NCKAP5L: variants seen among roughly 807,000 people sequenced by gnomAD.
NCKAP5L encodes the protein NCK associated protein 5 like.
NCKAP5L carries 54 observed loss-of-function variants against 103.2 expected under a neutral mutation model. That is an observed-to-expected ratio of 0.52 (90% CI 0.42 to 0.66). The LOEUF is 0.66. NCKAP5L is among the 30% of genes least tolerant of loss of function. The pLI, the probability that NCKAP5L is intolerant of heterozygous loss-of-function variation, is 0.00. For synonymous variants in NCKAP5L, 762 were observed against 748.6 expected, an observed-to-expected ratio of 1.02 and a Z score of -0.29; for missense variants, 1,733 against 1,750.6, an observed-to-expected ratio of 0.99 and a Z score of 0.18.
In NCKAP5L at chr12:49,792,584, G is replaced by A. The variant is rs771609649; in HGVS notation, c.3654C>T (p.Pro1218=). The A allele has an allele frequency of 3.1e-6, 5 of 1,613,802 alleles. No individual in the cohort carries two copies. Among genetic ancestry groups the A allele is most frequent in the South Asian group, 2.2e-5 (2 of 91,076 alleles). ...HRGHETCPDD[P]CEDPGPTPPV... ...GAGGGGTGGGGCCTGGGTCTTCACA[G>A]GGATCTGTCCAGGAACAAAGGGAAG... Residue 1218 remains proline (P), a synonymous_variant, in exon 12 of 13, where the codon CCC becomes CCT. Transcript: ENST00000335999. The surrounding 1 kb of genome is among the most constrained non-coding windows in gnomAD (Gnocchi z 4.5).
intron 9 of NCKAP5L, 106 bp from the exon 10 acceptor site, chr12:49,793,539 G>C: frequency 2.3e-6 from 3 of 1,316,182 alleles, no homozygotes; most frequent in African/African-American, 1.4e-5. Context: ...AGAGTATGAG[G>C]ATTAGGGCCC....
chr12:49,803,218 T>A, intron 3 of NCKAP5L, 53 bp from the exon 4 acceptor site: 1 of 1,580,462 alleles, frequency 6.3e-7, no homozygotes, highest in Non-Finnish European at 8.7e-7. Context: ...GGATTATTCT[T>A]CCCCCAGGGC....
intron 1 of NCKAP5L, among the ~76,000 whole-genome samples, chr12:49,812,085 A>G (rs879914723): frequency 2.0e-5 from 3 of 152,138 alleles, no homozygotes; most frequent in Non-Finnish European, 2.9e-5. Flanking sequence ...CTGAAAGTGT[A>G]CAATTCAGTG....
rs1008394544 is a variant in NCKAP5L, at chr12:49,791,338, G to C, written c.*501C>G. 1 of 154,280 alleles carries C rather than the reference G, an allele frequency of 6.5e-6. No individual in the cohort carries two copies. Among genetic ancestry groups the C allele is most frequent in the African/African-American group, 2.4e-5 (1 of 41,520 alleles). 9.6% of individuals were successfully genotyped at this position (154,280 alleles called of 1,614,324 possible). ...ACAGACCCCAAAGGCATGGGGCAGA[G>C]GAGGGCAGCACCATCCAGACAGCAG... is the stretch of plus-strand genomic sequence containing the variant. On this transcript the variant is annotated 3_prime_UTR_variant, in exon 13 of 13. Coordinates refer to ENST00000335999, the MANE Select transcript of NCKAP5L (RefSeq NM_001037806.4).
At chr12:49,804,226 G>T in intron 2 of NCKAP5L, 146 bp from the exon 3 acceptor site, 1 of 638,638 alleles carries the variant, frequency 1.6e-6, no homozygotes, top group Non-Finnish European at 2.6e-6. Flanking sequence ...TCACGGTCAC[G>T]GGGCAGACAA....
intron 8 of NCKAP5L, 45 bp downstream of exon 8, chr12:49,794,720 G>C (rs1391957393): frequency 5.7e-6 from 8 of 1,394,602 alleles, no homozygotes; most frequent in Non-Finnish European, 7.6e-6. Flanking sequence ...AGGGAAAAGT[G>C]CCCCAAGCCC....
chr12:49,793,771 A>G lies in NCKAP5L; in HGVS notation c.3221T>C (p.Val1074Ala). 1 of 1,602,712 alleles carries G rather than the reference A, an allele frequency of 6.2e-7. No homozygotes were observed. The highest frequency in any genetic ancestry group is 1.1e-5 in the South Asian group (1 of 89,344). ...WPACGPRNGL[V>A]GPLQGCGKPP... ...TTTTCCGCAGCCCTGAAGAGGGCCC[A>G]CCAGGCCATTCCGGGGCCCACAGGC... The change falls in exon 9 of 13, where the codon GTG becomes GCG. Residue 1074 changes from valine to alanine, a missense_variant. Val to Ala is a moderately conservative substitution (Grantham distance 64). Coordinates refer to ENST00000335999, the MANE Select transcript of NCKAP5L (RefSeq NM_001037806.4).
rs189425527 is a variant in NCKAP5L, at chr12:49,792,512, G to A, written c.3726C>T (p.Ala1242=). 763 of 1,613,630 alleles carry A rather than the reference G, an allele frequency of 4.7e-4. 6 individuals are homozygous for A. In the African/African-American group the frequency reaches 7.8e-3, roughly 16 times the overall value. Reference sequence around the variant, plus strand: ...ACATGAGAGGGTCCGAGGAGCTGCCGGCTGCCCTAGTATTGGGGAAGGTCC... The same window carrying A: ...ACATGAGAGGGTCCGAGGAGCTGCCAGCTGCCCTAGTATTGGGGAAGGTCC... The part of the protein sequence containing the change: ...KNWTFPNTRA[A]GSSSDPLMCP... Residue 1242 remains alanine (A), a synonymous_variant, in exon 12 of 13, where the codon GCC becomes GCT. Transcript: ENST00000335999. This position sits in a 1 kb window ranked among gnomAD's most constrained non-coding sequence, Gnocchi z 4.5.
Position 49,795,858 on chromosome 12 carries a change from G to T in NCKAP5L, c.2002C>A (p.Leu668Met), listed in dbSNP as rs1177740639. Residue 668 changes from leucine to methionine, a missense_variant, in exon 8 of 13, where the codon CTG becomes ATG. By Grantham distance (15) the Leu-to-Met change is conservative (BLOSUM62 2). Transcript: ENST00000335999. ...TCGGGGCCTGTCTTCAGCTTCCCCAGGGCCGCCAGTCTGTCCCGCAGAGGT... is the reference window on the plus strand; with the variant it reads ...TCGGGGCCTGTCTTCAGCTTCCCCATGGCCGCCAGTCTGTCCCGCAGAGGT... The part of the protein sequence containing the change: ...STPLRDRLAA[L>M]GKLKTGPEGA... The T allele has an allele frequency of 1.9e-6, 3 of 1,567,488 alleles. No homozygotes were observed. Among genetic ancestry groups the T allele is most frequent in the South Asian group, 2.3e-5 (2 of 85,394 alleles).
At chr12:49,803,257 T>C (rs1314088881) in intron 3 of NCKAP5L, 92 bp from the exon 4 acceptor site, 7 of 1,266,468 alleles carry the variant, frequency 5.5e-6, no homozygotes, top group Non-Finnish European at 7.9e-6. Flanking sequence ...GGGAGGCAAC[T>C]ACAGGGGTGC....
rs749152113 is a variant in NCKAP5L, at chr12:49,796,432, G to A, written c.1428C>T (p.Leu476=). ...EKSPSPGGPQ[L]SPQLPRNSRI... is the part of the protein sequence containing the mutation. ...GCGAGTTCCGGGGGAGCTGGGGACTGAGCTGCGGGCCTCCTGGGCTGGGGC... is the reference window on the plus strand; with the variant it reads ...GCGAGTTCCGGGGGAGCTGGGGACTAAGCTGCGGGCCTCCTGGGCTGGGGC... The change falls in exon 8 of 13, where the codon CTC becomes CTT. Residue 476 remains leucine (L), a synonymous_variant. Transcript: ENST00000335999. 3 of 1,552,200 alleles carry A rather than the reference G, an allele frequency of 1.9e-6. No homozygotes were observed. In the South Asian group the frequency reaches 3.7e-5, roughly 19 times the overall value.
At chr12:49,812,168 T>G (rs552940945) in intron 1 of NCKAP5L, among the ~76,000 whole-genome samples, 1 of 152,290 alleles carries the variant, frequency 6.6e-6, no homozygotes, top group South Asian at 2.1e-4. Flanking sequence ...TAGCTTTTAT[T>G]GTTCCTTTCC....
At position 49,796,032 on chromosome 12, in the gene NCKAP5L, G is replaced by C; in HGVS notation, c.1828C>G (p.Pro610Ala). 1 of 1,555,712 alleles carries C rather than the reference G, an allele frequency of 6.4e-7. No individual in the cohort carries two copies. The highest frequency in any genetic ancestry group is 8.7e-7 in the Non-Finnish European group (1 of 1,155,862). The change falls in exon 8 of 13, where the codon CCA (proline) becomes GCA (alanine). Residue 610 changes from proline (P) to alanine (A), a missense_variant. Coordinates refer to ENST00000335999, the MANE Select transcript of NCKAP5L (RefSeq NM_001037806.4). ...GGGCTCCCATAGGGGTACGATTCTG[G>C]GAGGCAAGGACTGGGGGGTACTCCA... ...SPGVPPSPCL[P>A]ESYPYGSPQE... is the part of the protein sequence containing the mutation.
intron 1 of NCKAP5L, among the ~76,000 whole-genome samples, chr12:49,808,768 C>T (rs1457830008): frequency 1.3e-5 from 2 of 152,210 alleles, no homozygotes; most frequent in African/African-American, 4.8e-5. Flanking sequence ...CTCAGCCCGA[C>T]CTGGGGCAGG....
Position 49,797,103 on chromosome 12 carries a change from C to T in NCKAP5L, c.757G>A (p.Gly253Ser), listed in dbSNP as rs770353421. 28 of 1,592,684 alleles carry T rather than the reference C, an allele frequency of 1.8e-5. No homozygotes were observed. The highest frequency in any genetic ancestry group is 7.1e-5 in the Admixed American group (4 of 56,276). Residue 253 changes from glycine (G) to serine (S), a missense_variant, in exon 8 of 13, where the codon GGC becomes AGC. By Grantham distance (56) the Gly-to-Ser change is moderately conservative. Coordinates refer to ENST00000335999, the MANE Select transcript of NCKAP5L (RefSeq NM_001037806.4). The surrounding 1 kb of genome is among the most constrained non-coding windows in gnomAD (Gnocchi z 4.5). The part of the protein sequence containing the change: ...CLLLGPGNLG[G>S]LLHWERLLGG... ...AAGAGGCGCTCCCAGTGCAGCAGGC[C>T]TCCCAGGTTGCCAGGGCCTAGCAGC...
In NCKAP5L at chr12:49,793,704, G is replaced by A. The variant is rs367636421; in HGVS notation, c.3258+30C>T. On this transcript the variant is annotated intron_variant, in intron 9 of 12. Transcript: ENST00000335999. ...CCTGGCAGGGCCAGAGAGCCAGGCC[G>A]TCCACCCAGTCCCTACCCCAAGAAC... 90 of 1,517,332 alleles carry A rather than the reference G, an allele frequency of 5.9e-5. No individual in the cohort carries two copies. The East Asian group carries it at 1.1e-3, about 19-fold the overall frequency. 94.0% of individuals were successfully genotyped at this position (1,517,332 alleles called of 1,614,324 possible). A position where few individuals can be genotyped will look rare whatever the true frequency, so the allele number is the denominator to read the frequency against.
intron 5 of NCKAP5L, 154 bp downstream of exon 5, chr12:49,802,802 CCT>C: frequency 3.8e-6 from 3 of 793,456 alleles, no homozygotes; most frequent in Non-Finnish European, 5.9e-6. Context: ...CCTAGTCCCA[CCT>C]CTGTCTCTAG....
intron 1 of NCKAP5L, among the ~76,000 whole-genome samples, chr12:49,809,126 C>G (rs184149837): frequency 9.2e-4 from 140 of 152,224 alleles, no homozygotes; most frequent in African/African-American, 3.3e-3. Context: ...GGGCGACCAC[C>G]ATCTCTTCAG....
intron 1 of NCKAP5L, among the ~76,000 whole-genome samples, chr12:49,814,045 G>A (rs546902468): frequency 1.4e-4 from 21 of 151,982 alleles, no homozygotes; most frequent in African/African-American, 5.1e-4. Context: ...ACTCCTCCTA[G>A]TAATCCTCCT....
Sources: allele counts gnomAD v4.1 joint callset (sites outside exome capture counted in the v4.1 genomes callset), GRCh38; gene constraint gnomAD v4.1.1; non-coding constraint Gnocchi (gnomAD v3.1); transcripts MANE v1.5; gene names NCBI Gene and HGNC (gene_info 2026-07-23, HGNC 2026-07-21).